ESR1: variants seen among roughly 807,000 people sequenced by gnomAD.
ESR1 encodes estrogen receptor 1.
Under a neutral mutation model 52.7 loss-of-function variants are expected in ESR1, and 12 were observed. That is an observed-to-expected ratio of 0.23 (90% CI 0.15 to 0.37). The LOEUF is 0.37. ESR1 is among the 10% of genes least tolerant of loss of function. The pLI, the probability that ESR1 is intolerant of heterozygous loss-of-function variation, is 1.00. For missense variants in ESR1, 584 were observed against 779.7 expected (o/e 0.75, Z 2.99); for synonymous variants, 305 against 316.8 (o/e 0.96, Z 0.39).
chr6:151,950,341 G>A (rs2036195147), intron 4 of ESR1, among the ~76,000 whole-genome samples: 1 of 152,120 alleles, frequency 6.6e-6, no homozygotes, highest in Non-Finnish European at 1.5e-5. Context: ...TTGGCCTGTG[G>A]CTTTGCTACT....
At chr6:151,977,263 G>A (rs1057154763) in intron 4 of ESR1, among the ~76,000 whole-genome samples, 7 of 151,950 alleles carry the variant, frequency 4.6e-5, no homozygotes, top group Admixed American at 2.0e-4. Flanking sequence ...TGGTAAATCC[G>A]TGGTGACATT....
intron 1 of ESR1, among the ~76,000 whole-genome samples, chr6:151,838,866 A>G (rs1326105574): frequency 6.6e-6 from 1 of 152,194 alleles, no homozygotes; most frequent in African/African-American, 2.4e-5. Flanking sequence ...GGGTCATCTT[A>G]GAGATAAAAT....
At chr6:151,746,695 A>G (rs527481320) in intron 2 of ESR1, among the ~76,000 whole-genome samples, 2 of 152,222 alleles carry the variant, frequency 1.3e-5, no homozygotes, top group South Asian at 4.1e-4. Context: ...TTAACTTTAA[A>G]GTATTATGAG....
At chr6:151,798,298 G>T (rs1776902759) in intron 2 of ESR1, among the ~76,000 whole-genome samples, 1 of 152,140 alleles carries the variant, frequency 6.6e-6, no homozygotes. Context: ...CCTCAGTGAA[G>T]AGATGAACTC....
chr6:151,791,091 C>T (rs1215055257), intron 2 of ESR1, among the ~76,000 whole-genome samples: 1 of 152,170 alleles, frequency 6.6e-6, no homozygotes, highest in Non-Finnish European at 1.5e-5. Context: ...TGGTCTGCTG[C>T]CAGGTGTGCA....
chr6:152,097,838 G>T (rs1451233025), intron 7 of ESR1, among the ~76,000 whole-genome samples: 13 of 152,248 alleles, frequency 8.5e-5, no homozygotes, highest in African/African-American at 2.6e-4. Flanking sequence ...CTAGGAATTC[G>T]CACTGAGGGT....
chr6:151,780,903 G>T (rs1786483218), intron 2 of ESR1, among the ~76,000 whole-genome samples: 2 of 152,146 alleles, frequency 1.3e-5, no homozygotes, highest in Admixed American at 1.3e-4. Context: ...CAAACTTTTT[G>T]TACCTAGTTT....
chr6:151,712,392 C>G (rs1202565613), intron 2 of ESR1, among the ~76,000 whole-genome samples: 1 of 152,032 alleles, frequency 6.6e-6, no homozygotes, highest in Non-Finnish European at 1.5e-5. Flanking sequence ...TCAATGGTAG[C>G]CTGATGGGGA....
intron 2 of ESR1, among the ~76,000 whole-genome samples, chr6:151,745,272 G>T (rs1783399664): frequency 6.6e-6 from 1 of 151,994 alleles, no homozygotes; most frequent in African/African-American, 2.4e-5. Flanking sequence ...TGACTTCTTA[G>T]CTGGTCTCTT....
chr6:151,840,421 A>C (rs990356890), intron 1 of ESR1, among the ~76,000 whole-genome samples: 1 of 152,202 alleles, frequency 6.6e-6, no homozygotes, highest in Admixed American at 6.5e-5. Context: ...AAAATAAAGA[A>C]TTCCTATTTG....
At chr6:151,688,093 A>T (rs948779880), upstream of ESR1, among the ~76,000 whole-genome samples, 3 of 152,166 alleles carry the variant, frequency 2.0e-5, no homozygotes, top group Admixed American at 6.5e-5. Context: ...ATATATATAT[A>T]TTTTCCCTAT....
intron 3 of ESR1, among the ~76,000 whole-genome samples, chr6:151,881,219 C>T (rs1792855349): frequency 6.6e-6 from 1 of 152,112 alleles, no homozygotes; most frequent in Non-Finnish European, 1.5e-5. Flanking sequence ...TGTTATCATC[C>T]CTTAAGGAAT....
intron 1 of ESR1, among the ~76,000 whole-genome samples, chr6:151,826,960 G>A (rs1213644101): frequency 6.6e-6 from 1 of 152,156 alleles, no homozygotes; most frequent in Non-Finnish European, 1.5e-5. Context: ...GCACAGCAGG[G>A]AAGAGGCCCT....
At chr6:151,773,306 C>T (rs1341027546) in intron 2 of ESR1, among the ~76,000 whole-genome samples, 1 of 152,160 alleles carries the variant, frequency 6.6e-6, no homozygotes, top group Non-Finnish European at 1.5e-5. Flanking sequence ...CTATCACAGC[C>T]CTCAAACAGA....
At chr6:151,693,888 G>A (rs1779128652) in intron 1 of ESR1, among the ~76,000 whole-genome samples, 2 of 152,160 alleles carry the variant, frequency 1.3e-5, no homozygotes, top group Admixed American at 6.5e-5. Context: ...AAACTGCTGG[G>A]ATTACAGACG....
chr6:151,698,621 C>T (rs1779545569), intron 1 of ESR1, among the ~76,000 whole-genome samples: 1 of 151,988 alleles, frequency 6.6e-6, no homozygotes, highest in South Asian at 2.1e-4. Context: ...TCCTCTTTTT[C>T]CTTCTCTTCC....
chr6:151,792,376 T>A (rs901984194), intron 2 of ESR1, among the ~76,000 whole-genome samples: 5 of 152,108 alleles, frequency 3.3e-5, no homozygotes, highest in African/African-American at 4.8e-5. Flanking sequence ...TTATTAAAAA[T>A]TTTTCTTTCT....
At chr6:151,876,747 C>T (rs185664826) in intron 2 of ESR1, among the ~76,000 whole-genome samples, 1 of 152,308 alleles carries the variant, frequency 6.6e-6, no homozygotes, top group African/African-American at 2.4e-5. Context: ...TCATTCACCT[C>T]CTGTCCCCTC....
At chr6:151,988,645 G>A (rs889878090) in intron 4 of ESR1, among the ~76,000 whole-genome samples, 1 of 151,974 alleles carries the variant, frequency 6.6e-6, no homozygotes, top group South Asian at 2.1e-4. Flanking sequence ...TAATATCTGG[G>A]TGTTGAAATA....
Sources: gnomAD v4.1 joint callset for allele counts (sites outside exome capture counted in the v4.1 genomes callset) on GRCh38, gnomAD v4.1.1 for gene constraint, MANE v1.5 for transcripts, NCBI Gene and HGNC (gene_info 2026-07-23, HGNC 2026-07-21) for gene names.